Variants in HSP90AA1 observed in about 807,000 individuals in gnomAD.
HSP90AA1 encodes heat shock protein 90 alpha family class A member 1, also known as heat shock protein HSP 90-alpha.
Under a neutral mutation model 73.3 loss-of-function variants are expected in HSP90AA1, and 18 were observed. The ratio of observed to expected loss-of-function variants is 0.25; its 90% CI spans 0.17 to 0.36. HSP90AA1 has a LOEUF of 0.36. HSP90AA1 is among the 10% of genes least tolerant of loss of function. The probability of loss-of-function intolerance (pLI) is 1.00; values close to 1 mark genes in which losing one functional copy is unlikely to be tolerated. For synonymous variants in HSP90AA1, 477 were observed against 296.9 expected (o/e 1.61, Z -6.24); for missense variants, 704 against 874.2 (o/e 0.81, Z 2.45).
chr14:102,081,978 A>G, intron 10 of HSP90AA1, 133 bp downstream of exon 10: 2 of 790,310 alleles, frequency 2.5e-6, no homozygotes, highest in Non-Finnish European at 2.2e-6. Flanking sequence ...TATCCCTAAA[A>G]AAAACATACT....
intron 4 of HSP90AA1, 32 bp from the exon 5 acceptor site, chr14:102,085,030 C>T (rs1321505767): frequency 1.9e-6 from 3 of 1,613,734 alleles, no homozygotes; most frequent in Non-Finnish European, 2.5e-6. Context: ...CACATCACTG[C>T]TGCACTCCAG....
At chr14:102,081,929 A>C in intron 10 of HSP90AA1, 108 bp from the exon 11 acceptor site, 1 of 786,874 alleles carries the variant, frequency 1.3e-6, no homozygotes, top group East Asian at 2.5e-5. Flanking sequence ...AGGACATATG[A>C]GTCTCAATTT....
chr14:102,092,023 T>G (rs1185191148), upstream of HSP90AA1, among the ~76,000 whole-genome samples: 1 of 139,724 alleles, frequency 7.2e-6, no homozygotes, highest in Admixed American at 7.0e-5. Context: ...TATTTTTACA[T>G]GTTTTACTTT....
chr14:102,083,770 A>G, intron 7 of HSP90AA1, 23 bp downstream of exon 7: 2 of 1,604,410 alleles, frequency 1.2e-6, no homozygotes, highest in Non-Finnish European at 1.7e-6. Context: ...CCAATTGGAA[A>G]ACTAATGGTT....
exon 1 of HSP90AA1, chr14:102,139,445 C>G: frequency 6.7e-7 from 1 of 1,497,356 alleles, no homozygotes; most frequent in Non-Finnish European, 8.9e-7. Context: ...GGCTCCGAAG[C>G]GGTGGCCGTC....
intron 2 of HSP90AA1, among the ~76,000 whole-genome samples, chr14:102,094,598 T>C (rs1434819509): frequency 6.6e-6 from 1 of 152,078 alleles, no homozygotes; most frequent in South Asian, 2.1e-4. Context: ...CGGTGAAATA[T>C]AGAAGGAATA....
rs373396614 is a variant in HSP90AA1, at chr14:102,083,559, G to A, written c.1473C>T (p.Ile491=). The change falls in exon 8 of 11, where the codon ATC becomes ATT. Residue 491 remains isoleucine, a synonymous_variant. Coordinates refer to ENST00000216281, the MANE Select transcript of HSP90AA1 (RefSeq NM_005348.4). The part of the protein sequence containing the change: ...CTRMKENQKH[I]YYITGETKDQ... ...GTGTTCTCTTACCTGTGATATAATA[G>A]ATATGTTTCTGGTTCTCCTTCATTC... The A allele has an allele frequency of 1.5e-4, 244 of 1,613,466 alleles. 1 individual carries two copies. The highest frequency in any genetic ancestry group is 1.9e-4 in the Non-Finnish European group (224 of 1,179,738).
At chr14:102,134,261 G>A (rs144447076) in intron 1 of HSP90AA1, among the ~76,000 whole-genome samples, 139 of 149,332 alleles carry the variant, frequency 9.3e-4, no homozygotes, top group African/African-American at 3.1e-3. Flanking sequence ...GGAGGTGGAG[G>A]TTGCAGAGAG....
At chr14:102,139,354 A>C (rs767381728) in exon 1 of HSP90AA1, 1 of 1,610,468 alleles carries the variant, frequency 6.2e-7, no homozygotes, top group Non-Finnish European at 8.5e-7. Flanking sequence ...CCCTGTCCCG[A>C]AGGGAGGGCC....
intron 1 of HSP90AA1, among the ~76,000 whole-genome samples, chr14:102,129,140 T>C: frequency 6.8e-6 from 1 of 148,036 alleles, no homozygotes; most frequent in East Asian, 2.0e-4. Context: ...TTGATTTTTT[T>C]TTTTTTTTTT....
At chr14:102,088,512 C>T (rs1051492484), upstream of HSP90AA1, among the ~76,000 whole-genome samples, 2 of 152,260 alleles carry the variant, frequency 1.3e-5, no homozygotes, top group African/African-American at 2.4e-5. Context: ...CATAAAGCGT[C>T]TTGCCTGGCA....
chr14:102,084,966 A>G lies in HSP90AA1; in HGVS notation c.696T>C (p.Asp232=), dbSNP rs757536921. ...TGTCTTCCTTTTCTTCAGCCTCATC[A>G]TCGCTTACTTCTTTATCACGTTCCT... The part of the protein sequence containing the change: ...VEKERDKEVS[D]DEAEEKEDKE... Residue 232 remains aspartate, a synonymous_variant, in exon 5 of 11, where the codon GAT becomes GAC. Coordinates refer to ENST00000216281, the MANE Select transcript of HSP90AA1 (RefSeq NM_005348.4). The G allele has an allele frequency of 3.7e-6, 6 of 1,610,690 alleles. No homozygotes were observed. In the African/African-American group the frequency reaches 4.0e-5, roughly 11 times the overall value.
At position 102,084,967 on chromosome 14, in the gene HSP90AA1, T is replaced by C. The variant is rs1425874856; in HGVS notation, c.695A>G (p.Asp232Gly). The change falls in exon 5 of 11, where the codon GAT becomes GGT. Residue 232 changes from aspartate (D) to glycine (G), a missense_variant. Transcript: ENST00000216281. Reference protein sequence around the residue: ...VEKERDKEVSDDEAEEKEDKE... With the variant: ...VEKERDKEVSGDEAEEKEDKE... ...GTCTTCCTTTTCTTCAGCCTCATCA[T>C]CGCTTACTTCTTTATCACGTTCCTT... The C allele has an allele frequency of 6.2e-7, 1 of 1,611,376 alleles. No individual in the cohort carries two copies. Among genetic ancestry groups the C allele is most frequent in the Non-Finnish European group, 8.5e-7 (1 of 1,177,550 alleles).
chr14:102,083,556 A>C lies in HSP90AA1; in HGVS notation c.1476T>G (p.Tyr492Ter). ...ATAGTGTTCTCTTACCTGTGATATA[A>C]TAGATATGTTTCTGGTTCTCCTTCA... Reference protein sequence around the residue: ...TRMKENQKHIYYITGETKDQV... With the variant: ...TRMKENQKHI The change falls in exon 8 of 11, where the codon TAT becomes TAG. Residue 492 changes from tyrosine (Y) to a stop codon, truncating the protein, a stop_gained. Coordinates refer to ENST00000216281, the MANE Select transcript of HSP90AA1 (RefSeq NM_005348.4). LOFTEE classifies it high-confidence loss of function. 6.2e-7 allele frequency: 1 copy of C among 1,613,742 alleles called. No homozygotes were observed. The highest frequency in any genetic ancestry group is 8.5e-7 in the Non-Finnish European group (1 of 1,179,824).
At position 102,084,398 on chromosome 14, in the gene HSP90AA1, C is replaced by T. The variant is rs2049173269; in HGVS notation, c.1147+1G>A. 1.2e-6 allele frequency: 2 copies of T among 1,611,332 alleles called. No individual in the cohort carries two copies. The highest frequency in any genetic ancestry group is 1.7e-5 in the Admixed American group (1 of 59,980). On this transcript the variant is annotated splice_donor_variant, in intron 6 of 10. Transcript: ENST00000216281. LOFTEE classifies it high-confidence loss of function. Reference sequence around the variant, plus strand: ...TGATTATTTTTCCTATCTATACTTACTCAGATATTCAGGGATTAGCTCCTC... The same window carrying T: ...TGATTATTTTTCCTATCTATACTTATTCAGATATTCAGGGATTAGCTCCTC...
intron 2 of HSP90AA1, among the ~76,000 whole-genome samples, chr14:102,099,776 G>A (rs571735365): frequency 3.9e-5 from 6 of 152,322 alleles, no homozygotes; most frequent in African/African-American, 9.6e-5. Flanking sequence ...GTGTCAGCCC[G>A]TTAGTGCTAC....
chr14:102,108,647 T>C (rs1000176361), intron 1 of HSP90AA1, among the ~76,000 whole-genome samples: 2 of 151,390 alleles, frequency 1.3e-5, no homozygotes, highest in African/African-American at 4.9e-5. Context: ...GCGATTCTCC[T>C]GCCTCAGCCT....
upstream of HSP90AA1, among the ~76,000 whole-genome samples, chr14:102,088,517 C>T (rs1432231608): frequency 6.6e-6 from 1 of 152,230 alleles, no homozygotes; most frequent in Non-Finnish European, 1.5e-5. Flanking sequence ...AGCGTCTTGC[C>T]TGGCATTACA....
intron 2 of HSP90AA1, among the ~76,000 whole-genome samples, chr14:102,100,846 T>C (rs1187602933): frequency 6.6e-6 from 1 of 152,252 alleles, no homozygotes; most frequent in East Asian, 1.9e-4. Flanking sequence ...TTGACTTCCA[T>C]GTACTTCAAT....
Sources: gnomAD v4.1 joint callset for allele counts (sites outside exome capture counted in the v4.1 genomes callset) on GRCh38, gnomAD v4.1.1 for gene constraint, MANE v1.5 for transcripts, NCBI Gene and HGNC (gene_info 2026-07-23, HGNC 2026-07-21) for gene names.